The following SH3BP2 variants were observed in gnomAD, a reference collection of about 807,000 sequenced individuals.
SH3BP2 encodes SH3 domain binding protein 2, also known as SH3 domain-binding protein 2.
In SH3BP2, 38 loss-of-function variants were observed where a neutral mutation model predicts 56.2. That is an observed-to-expected ratio of 0.68 (90% CI 0.52 to 0.89). SH3BP2 has a LOEUF of 0.89. SH3BP2 is among the 40% of genes least tolerant of loss of function. The pLI is 0.00. For synonymous variants in SH3BP2, 346 were observed against 316.7 expected (o/e 1.09, Z -0.98); for missense variants, 748 against 762.6 (o/e 0.98, Z 0.23).
At chr4:2,832,906 C>A (rs949474623) in intron 11 of SH3BP2, 84 bp from the exon 12 acceptor site, 43 of 1,376,338 alleles carry the variant, frequency 3.1e-5, no homozygotes, top group Middle Eastern at 4.0e-4. Flanking sequence ...GATGGTTCTG[C>A]CCCCCTATCC....
intron 1 of SH3BP2, among the ~76,000 whole-genome samples, chr4:2,805,589 G>A (rs566096422): frequency 2.6e-4 from 39 of 152,326 alleles, no homozygotes; most frequent in African/African-American, 8.4e-4. Flanking sequence ...CATGGGGGAC[G>A]GACATGCAGA....
chr4:2,799,804 G>C (rs1275156183), intron 1 of SH3BP2, among the ~76,000 whole-genome samples: 1 of 152,230 alleles, frequency 6.6e-6, no homozygotes, highest in Non-Finnish European at 1.5e-5. Flanking sequence ...CCCCCCGGGG[G>C]GGCCTCCTTG....
rs1431567478 is a variant in SH3BP2 at position 2,829,031 on chromosome 4, C to T, written c.587-462C>T. On this transcript the variant is annotated intron_variant, in intron 7 of 12. Transcript: ENST00000503393. The surrounding 1 kb of genome is among the most constrained non-coding windows in gnomAD (Gnocchi z 4.9). ...AGCCTGGATTTTTGAACTCTGCACA[C>T]ATTCCCTGACCCCGCATCCCCTGGC... Among the ~76,000 whole-genome samples the T allele has an allele frequency of 1.3e-5, 2 of 152,192 alleles. No homozygotes were observed. The highest frequency in any genetic ancestry group is 4.8e-5 in the African/African-American group (2 of 41,448).
Position 2,829,372 on chromosome 4 carries a change from A to C in SH3BP2, c.587-121A>C. 2.0e-6 allele frequency: 2 copies of C among 1,005,686 alleles called. No homozygotes were observed. Among genetic ancestry groups the C allele is most frequent in the Non-Finnish European group, 3.1e-6 (2 of 643,624 alleles). 62.3% of individuals were successfully genotyped at this position (1,005,686 alleles called of 1,614,324 possible). A position where few individuals can be genotyped will look rare whatever the true frequency, so the allele number is the denominator to read the frequency against. On this transcript the variant is annotated intron_variant, in intron 7 of 12. Coordinates refer to ENST00000503393, the MANE Select transcript of SH3BP2 (RefSeq NM_001122681.2). This position sits in a 1 kb window ranked among gnomAD's most constrained non-coding sequence, Gnocchi z 4.9. ...CTGGGTGCTGGGCTGCTGGGTGGGC[A>C]GGCTGTGGGGTGGGCCTACCATGGG...
intron 1 of SH3BP2, among the ~76,000 whole-genome samples, chr4:2,795,448 G>T (rs894246260): frequency 6.6e-6 from 1 of 152,256 alleles, no homozygotes; most frequent in Non-Finnish European, 1.5e-5. Context: ...CTCCCAAAGT[G>T]CTGGGATTAC....
intron 1 of SH3BP2, chr4:2,818,250 G>C (rs1387814530): frequency 1.0e-6 from 1 of 994,954 alleles, no homozygotes; most frequent in Non-Finnish European, 1.2e-6. Flanking sequence ...CGCGGCCGCG[G>C]AGCTGGGGCC....
At position 2,831,856 on chromosome 4, in the gene SH3BP2, C is replaced by T. The variant is rs375761944; in HGVS notation, c.1351-67C>T. On this transcript the variant is annotated intron_variant, in intron 9 of 12. Coordinates refer to ENST00000503393, the MANE Select transcript of SH3BP2 (RefSeq NM_001122681.2). The surrounding 1 kb of genome is among the most constrained non-coding windows in gnomAD (Gnocchi z 4.1). ...CCGGATCCCGGCACCGGGTGGCCAC[C>T]GTCCGGGGAGTGGTGGTGCGGGTGG... 5,420 of 1,561,544 alleles carry T rather than the reference C, an allele frequency of 3.5e-3. 17 individuals carry two copies. Among genetic ancestry groups the T allele is most frequent in the Non-Finnish European group, 4.3e-3 (4,903 of 1,138,582 alleles).
Position 2,834,983 on chromosome 4 carries a change from A to C in SH3BP2, c.*1149A>C, listed in dbSNP as rs1026696415. 1 of 152,374 alleles carries C rather than the reference A, an allele frequency of 6.6e-6. No individual in the cohort carries two copies. Among genetic ancestry groups the C allele is most frequent in the African/African-American group, 2.4e-5 (1 of 41,454 alleles). The allele number at this position is 152,374 out of a possible 1,614,324, so 9.4% of individuals were successfully genotyped here. On this transcript the variant is annotated 3_prime_UTR_variant, in exon 13 of 13. Coordinates refer to ENST00000503393, the MANE Select transcript of SH3BP2 (RefSeq NM_001122681.2). Reference sequence around the variant, plus strand: ...CCCAGATGCCCAAGTCTTCCAGGCAATACCTGGCTCAGGCCCAGCCCCAAT... The same window carrying C: ...CCCAGATGCCCAAGTCTTCCAGGCACTACCTGGCTCAGGCCCAGCCCCAAT...
At chr4:2,824,247 C>T (rs140194229) in intron 3 of SH3BP2, among the ~76,000 whole-genome samples, 2 of 152,284 alleles carry the variant, frequency 1.3e-5, no homozygotes, top group Non-Finnish European at 2.9e-5. Context: ...GCCTCAGGGG[C>T]ACGGAGCCCT....
rs1725312705 is a variant in SH3BP2 at position 2,838,615 on chromosome 4, A to G, written c.*4781A>G. The G allele has an allele frequency of 6.7e-6, 1 of 149,422 alleles. No individual in the cohort carries two copies. Among genetic ancestry groups the G allele is most frequent in the African/African-American group, 2.5e-5 (1 of 40,792 alleles). 9.3% of individuals were successfully genotyped at this position (149,422 alleles called of 1,614,324 possible). The stretch of plus-strand genomic sequence containing the variant: ...CAACACAAATTTGTAAACTTTCTTA[A>G]AACATTATAAAGATTTTTGTTTGCG... On this transcript the variant is annotated 3_prime_UTR_variant, in exon 13 of 13. Transcript: ENST00000503393.
At chr4:2,812,158 C>T in intron 1 of SH3BP2, 1 of 1,422,190 alleles carries the variant, frequency 7.0e-7, no homozygotes, top group Non-Finnish European at 9.2e-7. Flanking sequence ...GGATGAGGGG[C>T]AGCCCTGGGC....
In SH3BP2 at chr4:2,833,689, C is replaced by T. The variant is rs1299225804; in HGVS notation, c.1549-8C>T. On this transcript the variant is annotated splice_polypyrimidine_tract_variant and splice_region_variant and intron_variant, in intron 12 of 12. Coordinates refer to ENST00000503393, the MANE Select transcript of SH3BP2 (RefSeq NM_001122681.2). ...CCTGCTGACGCTCCCCCTTCTCTTC[C>T]CCCACAGGACTCTAAGTTCTACCTG... is the stretch of plus-strand genomic sequence containing the variant. The T allele has an allele frequency of 6.2e-7, 1 of 1,609,286 alleles. No individual in the cohort carries two copies. Among genetic ancestry groups the T allele is most frequent in the Non-Finnish European group, 8.5e-7 (1 of 1,177,942 alleles).
chr4:2,832,905 GC>G lies in SH3BP2; in HGVS notation c.1489-79del, dbSNP rs770415893. Reference sequence around the variant, plus strand: ...CACAGGACCCAGCCTTGATGGTTCTGCCCCCCTATCCCCAGCCCATGGTCTC... The same window carrying G: ...CACAGGACCCAGCCTTGATGGTTCTGCCCCCTATCCCCAGCCCATGGTCTC... On this transcript the variant is annotated intron_variant, in intron 11 of 12. Coordinates refer to ENST00000503393, the MANE Select transcript of SH3BP2 (RefSeq NM_001122681.2). The G allele has an allele frequency of 1.9e-4, 257 of 1,372,620 alleles. 1 individual carries two copies. The highest frequency in any genetic ancestry group is 2.7e-4 in the East Asian group (12 of 43,706). The allele number at this position is 1,372,620 out of a possible 1,614,324, so 85.0% of individuals were successfully genotyped here. A position where few individuals can be genotyped will look rare whatever the true frequency, so the allele number is the denominator to read the frequency against.
chr4:2,816,613 C>T (rs1483979659), intron 1 of SH3BP2, among the ~76,000 whole-genome samples: 1 of 152,180 alleles, frequency 6.6e-6, no homozygotes, highest in African/African-American at 2.4e-5. Flanking sequence ...TGAGGAACTT[C>T]CCTTCTATTC....
chr4:2,802,248 T>G (rs1389513990), intron 1 of SH3BP2, among the ~76,000 whole-genome samples: 4 of 151,884 alleles, frequency 2.6e-5, no homozygotes. Context: ...AAAATACAAA[T>G]TAGCTGGGTG....
intron 1 of SH3BP2, chr4:2,818,353 G>T (rs546492024): frequency 8.5e-7 from 1 of 1,178,804 alleles, no homozygotes; most frequent in Non-Finnish European, 1.0e-6. Context: ...GGCGTGGATC[G>T]CCCCGGGGAA....
intron 1 of SH3BP2, 95 bp from the exon 2 acceptor site, chr4:2,820,519 T>C: frequency 6.7e-7 from 1 of 1,484,708 alleles, no homozygotes. Flanking sequence ...CTCCAAGCTG[T>C]GTCCTGGATC....
At chr4:2,804,415 A>G (rs1001009462) in intron 1 of SH3BP2, among the ~76,000 whole-genome samples, 2 of 152,198 alleles carry the variant, frequency 1.3e-5, no homozygotes, top group African/African-American at 4.8e-5. Flanking sequence ...AGCGGGACCC[A>G]AAAGGGGGCT....
intron 1 of SH3BP2, among the ~76,000 whole-genome samples, chr4:2,820,380 G>A (rs1298817507): frequency 6.6e-6 from 1 of 152,194 alleles, no homozygotes; most frequent in Non-Finnish European, 1.5e-5. Context: ...AGGATCCTGG[G>A]GTTGGGTTTG....
Sources: allele counts gnomAD v4.1 joint callset (sites outside exome capture counted in the v4.1 genomes callset), GRCh38; gene constraint gnomAD v4.1.1; non-coding constraint Gnocchi (gnomAD v3.1); transcripts MANE v1.5; gene names NCBI Gene and HGNC (gene_info 2026-07-23, HGNC 2026-07-21).